Variants in PTPN21 observed in about 807,000 individuals in gnomAD.
The protein encoded by PTPN21 is tyrosine-protein phosphatase non-receptor type 21.
Under a neutral mutation model 131.8 loss-of-function variants are expected in PTPN21, and 77 were observed. That is an observed-to-expected ratio of 0.58 (90% CI 0.49 to 0.71). PTPN21 has a LOEUF of 0.71. PTPN21 is among the 30% of genes least tolerant of loss of function. The pLI, the probability that PTPN21 is intolerant of heterozygous loss-of-function variation, is 0.00. For missense variants in PTPN21, 1,552 were observed against 1,527.1 expected, an observed-to-expected ratio of 1.02 and a Z score of -0.27; for synonymous variants, 715 against 621.3, an observed-to-expected ratio of 1.15 and a Z score of -2.24.
chr14:88,548,163 T>G (rs963712249), intron 2 of PTPN21, among the ~76,000 whole-genome samples: 14 of 152,152 alleles, frequency 9.2e-5, no homozygotes, highest in African/African-American at 3.4e-4. Flanking sequence ...CAACTCCAGG[T>G]GGCTACCATC....
Position 88,469,946 on chromosome 14 carries a change from A to T in PTPN21, c.2976T>A (p.Ile992=). 6.2e-7 allele frequency: 1 copy of T among 1,614,112 alleles called. No individual in the cohort carries two copies. The highest frequency in any genetic ancestry group is 8.5e-7 in the Non-Finnish European group (1 of 1,180,004). The change falls in exon 16 of 19, where the codon ATT becomes ATA. Residue 992 remains isoleucine, a synonymous_variant. Transcript: ENST00000556564. The surrounding 1 kb of genome is among the most constrained non-coding windows in gnomAD (Gnocchi z 4.3). ...WQMVWEQGIA[I]IAMVTAEEEG... is the part of the protein sequence containing the mutation. ...CCTCTTCTGCTGTCACCATTGCTATAATTGCAATTCCCTGTTCCCATACCA... is the reference window on the plus strand; with the variant it reads ...CCTCTTCTGCTGTCACCATTGCTATTATTGCAATTCCCTGTTCCCATACCA...
Position 88,472,312 on chromosome 14 carries a change from C to T in PTPN21, c.2803G>A (p.Asp935Asn), listed in dbSNP as rs2140085202. Residue 935 changes from aspartate to asparagine, a missense_variant, in exon 15 of 19, where the codon GAT becomes AAT. Physicochemically the swap from Asp to Asn is conservative, Grantham distance 23. Transcript: ENST00000556564. ...NRFQDVLPYDDVRVELVPTKE... is the reference protein window; with the variant it reads ...NRFQDVLPYDNVRVELVPTKE... The stretch of plus-strand genomic sequence containing the variant: ...GTTGGGACCAACTCCACTCTCACAT[C>T]ATCATAAGGAAGAACATCTTGGAAT... 1 of 1,613,938 alleles carries T rather than the reference C, an allele frequency of 6.2e-7. No individual in the cohort carries two copies. Among genetic ancestry groups the T allele is most frequent in the East Asian group, 2.2e-5 (1 of 44,866 alleles).
At chr14:88,501,968 A>G (rs1193070878) in intron 6 of PTPN21, among the ~76,000 whole-genome samples, 2 of 151,970 alleles carry the variant, frequency 1.3e-5, no homozygotes, top group South Asian at 2.1e-4. Context: ...CTGGGCAACA[A>G]AAAAACAAAA....
Position 88,480,160 on chromosome 14 carries a change from C to G in PTPN21, c.1271G>C (p.Ser424Thr), listed in dbSNP as rs780872513. ...GAGGTAGTCAGGCCTCATGACGTCA[C>G]TCCCGGTGATGCTAGGGTTGGACGA... Reference protein sequence around the residue: ...PMSSNPSITGSDVMRPDYLPS... With the variant: ...PMSSNPSITGTDVMRPDYLPS... The change falls in exon 13 of 19, where the codon AGT becomes ACT. Residue 424 changes from serine to threonine, a missense_variant. Ser to Thr is a moderately conservative substitution (Grantham distance 58). Transcript: ENST00000556564. The G allele has an allele frequency of 1.2e-6, 2 of 1,614,162 alleles. No individual in the cohort carries two copies. The highest frequency in any genetic ancestry group is 1.7e-6 in the Non-Finnish European group (2 of 1,180,016).
chr14:88,480,200 G>A lies in PTPN21; in HGVS notation c.1231C>T (p.Gln411Ter). ...GGGTTGGACGACATCGGCGAGGGCT[G>A]CAAGTAGGGCTGAGGATTATTTAAG... ...NSLNNPQPYL[Q>*]PSPMSSNPSI... Residue 411 changes from glutamine to a stop codon, truncating the protein, a stop_gained, in exon 13 of 19, where the codon CAG becomes TAG. Transcript: ENST00000556564. LOFTEE classifies it high-confidence loss of function. 6.2e-7 allele frequency: 1 copy of A among 1,614,206 alleles called. No homozygotes were observed. The highest frequency in any genetic ancestry group is 8.5e-7 in the Non-Finnish European group (1 of 1,180,022).
chr14:88,483,868 C>T (rs530350737), intron 12 of PTPN21, among the ~76,000 whole-genome samples: 1 of 152,234 alleles, frequency 6.6e-6, no homozygotes, highest in Admixed American at 6.5e-5. Context: ...GGAGTGGTGG[C>T]TCAGGCCTAT....
At position 88,473,814 on chromosome 14, in the gene PTPN21, T is replaced by C. The variant is rs2077506973; in HGVS notation, c.2512-12A>G. On this transcript the variant is annotated splice_polypyrimidine_tract_variant and intron_variant, in intron 13 of 18. Transcript: ENST00000556564. The stretch of plus-strand genomic sequence containing the variant: ...GTCTTTTTCATTCCCTGTAAAAGGA[T>C]TTATATGTATATATGAAATATACAC... The C allele has an allele frequency of 6.3e-7, 1 of 1,593,162 alleles. No individual in the cohort carries two copies. Among genetic ancestry groups the C allele is most frequent in the Non-Finnish European group, 8.5e-7 (1 of 1,173,742 alleles).
intron 2 of PTPN21, among the ~76,000 whole-genome samples, chr14:88,528,023 C>A (rs2139334580): frequency 6.6e-6 from 1 of 152,144 alleles, no homozygotes; most frequent in South Asian, 2.1e-4. Flanking sequence ...GTTTTTATAC[C>A]AGTACCATGC....
chr14:88,543,697 C>A (rs912929257), intron 2 of PTPN21, among the ~76,000 whole-genome samples: 1 of 152,144 alleles, frequency 6.6e-6, no homozygotes, highest in African/African-American at 2.4e-5. Flanking sequence ...GCACTAAACA[C>A]ACAATTTAAA....
At chr14:88,547,683 C>CT in intron 2 of PTPN21, 1 of 455,402 alleles carries the variant, frequency 2.2e-6, no homozygotes, top group South Asian at 1.6e-5. Context: ...TAAGCAGGGA[C>CT]TGGTTACTGA....
Position 88,479,078 on chromosome 14 carries a change from G to A in PTPN21, c.2353C>T (p.Arg785Trp), listed in dbSNP as rs542482833. Residue 785 changes from arginine (R) to tryptophan (W), a missense_variant, in exon 13 of 19, where the codon CGG (arginine) becomes TGG (tryptophan). This residue lies in a region of PTPN21 where 1,016 missense variants were observed against 883.5 expected (regional missense o/e 1.15). Coordinates refer to ENST00000556564, the MANE Select transcript of PTPN21 (RefSeq NM_007039.4). ...ATCAGCAGCCCGTCTCTCCAGGGCC[G>A]CTGGGCCTCTGCGGTCGTGCGGACG... Reference protein sequence around the residue: ...SPVRTTAEAQRPWRDGLLMPS... With the variant: ...SPVRTTAEAQWPWRDGLLMPS... The A allele has an allele frequency of 6.3e-6, 10 of 1,594,938 alleles. No homozygotes were observed. Among genetic ancestry groups the A allele is most frequent in the South Asian group, 4.5e-5 (4 of 89,122 alleles).
chr14:88,483,513 T>C (rs1362477873), intron 12 of PTPN21, among the ~76,000 whole-genome samples: 1 of 151,984 alleles, frequency 6.6e-6, no homozygotes, highest in Non-Finnish European at 1.5e-5. Context: ...ATGAAAACCC[T>C]CATCTTTTAC....
chr14:88,524,710 G>T (rs2078448319), intron 2 of PTPN21, among the ~76,000 whole-genome samples: 1 of 152,150 alleles, frequency 6.6e-6, no homozygotes, highest in Non-Finnish European at 1.5e-5. Context: ...TTCAAGACCA[G>T]CCTGGGCAAC....
intron 13 of PTPN21, among the ~76,000 whole-genome samples, chr14:88,478,119 T>A (rs911936374): frequency 2.6e-5 from 4 of 152,218 alleles, no homozygotes; most frequent in South Asian, 2.1e-4. Flanking sequence ...ATAGGCTTAC[T>A]GTAAATAGGC....
At chr14:88,499,265 C>T (rs1485763148) in intron 8 of PTPN21, 1 of 152,194 alleles carries the variant, frequency 6.6e-6, no homozygotes, top group Non-Finnish European at 1.5e-5. Context: ...TGCGTACTCT[C>T]TGAGGTCATA....
At chr14:88,517,541 A>C (rs996458615) in intron 2 of PTPN21, among the ~76,000 whole-genome samples, 2 of 151,854 alleles carry the variant, frequency 1.3e-5, no homozygotes, top group Admixed American at 1.3e-4. Flanking sequence ...TAGACACTGG[A>C]ATGTAGTGGC....
chr14:88,518,273 T>TATACAC (rs763756368), intron 2 of PTPN21, among the ~76,000 whole-genome samples: 2,140 of 67,938 alleles, frequency 0.031, 137 homozygotes, highest in African/African-American at 0.068. Flanking sequence ...TATATATATA[T>TATACAC]ACACACACAC....
chr14:88,553,847 T>C (rs1220420991), intron 1 of PTPN21, among the ~76,000 whole-genome samples: 1 of 152,136 alleles, frequency 6.6e-6, no homozygotes, highest in Non-Finnish European at 1.5e-5. Context: ...CAAAGTTGCT[T>C]TAAAATAAAA....
intron 2 of PTPN21, among the ~76,000 whole-genome samples, chr14:88,529,768 G>A (rs75100822): frequency 0.046 from 6,999 of 152,176 alleles, 209 homozygotes; most frequent in South Asian, 0.097. Flanking sequence ...GACCACTTGA[G>A]GCAAGGAGTT....
Sources: gnomAD v4.1 joint callset for allele counts (sites outside exome capture counted in the v4.1 genomes callset) on GRCh38, gnomAD v4.1.1 for gene constraint, gnomAD v4.1.1 regional missense constraint, Gnocchi (gnomAD v3.1) non-coding constraint, MANE v1.5 for transcripts, NCBI Gene and HGNC (gene_info 2026-07-23, HGNC 2026-07-21) for gene names.